CFAP95: variants seen among roughly 807,000 people sequenced by gnomAD.
CFAP95 encodes cilia- and flagella-associated protein 95.
At chr9:69,853,684 G>A in the CFAP95 span, among the ~76,000 whole-genome samples, 19 of 152,290 alleles carry the variant, frequency 1.2e-4, no homozygotes, top group Non-Finnish European at 2.5e-4. Flanking sequence ...GATGGTGTAG[G>A]ATTAGGTTTG....
At chr9:69,859,639 ATTAT>A in the CFAP95 span, among the ~76,000 whole-genome samples, 253 of 152,316 alleles carry the variant, frequency 1.7e-3, 2 homozygotes, top group Middle Eastern at 0.027. Flanking sequence ...TAGGTGGGTC[ATTAT>A]TTCAAAGAAG....
the CFAP95 span, among the ~76,000 whole-genome samples, chr9:69,848,609 A>G: frequency 6.6e-6 from 1 of 152,124 alleles, no homozygotes; most frequent in Non-Finnish European, 1.5e-5. Flanking sequence ...TCTCTTCCTC[A>G]TCTCCACACA....
the CFAP95 span, among the ~76,000 whole-genome samples, chr9:69,867,284 G>A: frequency 6.6e-5 from 10 of 152,192 alleles, no homozygotes; most frequent in Non-Finnish European, 1.3e-4. Context: ...TATAGTGCCC[G>A]TTAGATCTGA....
the CFAP95 span, among the ~76,000 whole-genome samples, chr9:69,883,832 CA>C: frequency 1.1e-4 from 1 of 8,698 alleles, no homozygotes; most frequent in African/African-American, 1.3e-4. Flanking sequence ...TAAAAAAAAA[CA>C]ATTAAAAAAA....
At chr9:69,895,335 G>GTCTCTCTCTC in the CFAP95 span, among the ~76,000 whole-genome samples, 195 of 121,230 alleles carry the variant, frequency 1.6e-3, 4 homozygotes, top group South Asian at 0.018. Context: ...CTTAAAATCA[G>GTCTCTCTCTC]TCTCTCTCTC....
chr9:69,873,062 G>A, the CFAP95 span, among the ~76,000 whole-genome samples: 1 of 152,130 alleles, frequency 6.6e-6, no homozygotes, highest in African/African-American at 2.4e-5. Context: ...AGGTGGCTAT[G>A]GGTGTCAAAG....
At chr9:69,830,223 C>A in the CFAP95 span, among the ~76,000 whole-genome samples, 1 of 152,162 alleles carries the variant, frequency 6.6e-6, no homozygotes, top group African/African-American at 2.4e-5. Context: ...TCTGGCTCAA[C>A]AAATTCCAGG....
the CFAP95 span, among the ~76,000 whole-genome samples, chr9:69,859,926 G>A: frequency 6.6e-6 from 1 of 152,106 alleles, no homozygotes; most frequent in Non-Finnish European, 1.5e-5. Flanking sequence ...AAAAAGTACA[G>A]TAAAAATACA....
chr9:69,861,257 T>C, the CFAP95 span, among the ~76,000 whole-genome samples: 2 of 152,216 alleles, frequency 1.3e-5, no homozygotes, highest in African/African-American at 4.8e-5. Flanking sequence ...TAGTACATAC[T>C]GTACAGCCTG....
the CFAP95 span, among the ~76,000 whole-genome samples, chr9:69,866,319 G>T: frequency 6.6e-6 from 1 of 152,196 alleles, no homozygotes; most frequent in Non-Finnish European, 1.5e-5. Flanking sequence ...TAAGCTGGAG[G>T]GCTGAGAAAG....
the CFAP95 span, among the ~76,000 whole-genome samples, chr9:69,888,979 A>G: frequency 2.6e-5 from 4 of 152,326 alleles, no homozygotes; most frequent in Admixed American, 2.6e-4. Context: ...ATGCAAATAC[A>G]TTCATCACTG....
the CFAP95 span, among the ~76,000 whole-genome samples, chr9:69,825,336 G>T: frequency 1.5e-4 from 23 of 152,232 alleles, no homozygotes; most frequent in Non-Finnish European, 2.5e-4. Flanking sequence ...ATTTTTTCCT[G>T]TGTTTCTCTT....
chr9:69,856,067 A>G, the CFAP95 span, among the ~76,000 whole-genome samples: 1 of 152,166 alleles, frequency 6.6e-6, no homozygotes, highest in Non-Finnish European at 1.5e-5. Flanking sequence ...TGTTTCTGCA[A>G]TTGGTTTGAG....
At chr9:69,853,028 T>C in the CFAP95 span, among the ~76,000 whole-genome samples, 1 of 152,200 alleles carries the variant, frequency 6.6e-6, no homozygotes, top group Non-Finnish European at 1.5e-5. Flanking sequence ...CTTGGGTATG[T>C]CTTTATCAGC....
chr9:69,859,126 T>C, the CFAP95 span, among the ~76,000 whole-genome samples: 1 of 152,154 alleles, frequency 6.6e-6, no homozygotes, highest in Non-Finnish European at 1.5e-5. Flanking sequence ...TCAGAGAAAT[T>C]TTCTTGATTT....
chr9:69,895,247 G>T, the CFAP95 span, among the ~76,000 whole-genome samples: 13 of 151,916 alleles, frequency 8.6e-5, no homozygotes, highest in Admixed American at 8.5e-4. Flanking sequence ...TGGAAAAAAA[G>T]GAATTCAGTC....
At chr9:69,862,561 A>C in the CFAP95 span, among the ~76,000 whole-genome samples, 1 of 152,212 alleles carries the variant, frequency 6.6e-6, no homozygotes, top group Admixed American at 6.5e-5. Flanking sequence ...TTAAATGTCA[A>C]CTTTAAAAGG....
At chr9:69,903,890 C>T in the CFAP95 span, among the ~76,000 whole-genome samples, 1 of 151,964 alleles carries the variant, frequency 6.6e-6, no homozygotes, top group African/African-American at 2.4e-5. Flanking sequence ...TCATGCCCAG[C>T]TAATTTTTTA....
chr9:69,834,125 C>CTGA, the CFAP95 span, among the ~76,000 whole-genome samples: 1 of 152,186 alleles, frequency 6.6e-6, no homozygotes, highest in East Asian at 1.9e-4. Context: ...CGGGGGCAGG[C>CTGA]TGATCTCCAT....
Sources: allele counts gnomAD v4.1 joint callset (sites outside exome capture counted in the v4.1 genomes callset), GRCh38; gene constraint gnomAD v4.1.1; transcripts MANE v1.5; gene names NCBI Gene and HGNC (gene_info 2026-07-23, HGNC 2026-07-21).